Variants in NOL9 observed in about 807,000 individuals in gnomAD.
The protein encoded by NOL9 is nucleolar protein 9.
A neutral mutation model predicts 67.9 loss-of-function variants in NOL9; 28 were observed. The observed-to-expected ratio is 0.41, with a 90% CI of 0.31 to 0.57. The LOEUF (loss-of-function observed/expected upper bound fraction) is 0.57. NOL9 is among the 20% of genes least tolerant of loss of function. NOL9 has a pLI of 0.25. For missense variants in NOL9, 777 were observed against 897.0 expected (o/e 0.87, Z 1.71); for synonymous variants, 356 against 352.2 (o/e 1.01, Z -0.12).
rs386366136 is a variant in NOL9 at position 6,522,883 on chromosome 1, CAAAAAAAAAA to C, written c.*2961_*2970del. 5 of 82,570 alleles carry C rather than the reference CAAAAAAAAAA, an allele frequency of 6.1e-5. No individual in the cohort carries two copies. The highest frequency in any genetic ancestry group is 2.3e-4 in the African/African-American group (4 of 17,624). The allele number at this position is 82,570 out of a possible 1,614,324, so 5.1% of individuals were successfully genotyped here. A position where few individuals can be genotyped will look rare whatever the true frequency, so the allele number is the denominator to read the frequency against. ...TGGGCGACAGAGCTAGACTCTGTCTCAAAAAAAAAAAAAAAAAAGAAATTGCTTCAGCACT... is the reference window on the plus strand; with the variant it reads ...TGGGCGACAGAGCTAGACTCTGTCTCAAAAAAAAGAAATTGCTTCAGCACT... On this transcript the variant is annotated 3_prime_UTR_variant, in exon 12 of 12. Transcript: ENST00000377705.
At chr1:6,529,319 A>G in intron 9 of NOL9, 148 bp from the exon 10 acceptor site, 1 of 726,030 alleles carries the variant, frequency 1.4e-6, no homozygotes, top group Non-Finnish European at 2.3e-6. Context: ...AGCCAGGCAC[A>G]GTGGCTCACG....
At chr1:6,531,904 C>G in intron 9 of NOL9, 64 bp downstream of exon 9, 1 of 1,282,476 alleles carries the variant, frequency 7.8e-7, no homozygotes, top group East Asian at 2.3e-5. Context: ...GAGCGCCCAG[C>G]ACACAGAAAA....
At position 6,521,432 on chromosome 1, in the gene NOL9, A is replaced by G. The variant is rs1038993000; in HGVS notation, c.*4422T>C. The G allele has an allele frequency of 2.0e-5, 3 of 152,240 alleles. No homozygotes were observed. The highest frequency in any genetic ancestry group is 2.9e-5 in the Non-Finnish European group (2 of 68,054). The allele number at this position is 152,240 out of a possible 1,614,324, so 9.4% of individuals were successfully genotyped here. On this transcript the variant is annotated 3_prime_UTR_variant, in exon 12 of 12. Transcript: ENST00000377705. ...ACAGAAACCATACATATTTTGTAAA[A>G]TACACACACACACAGCAGAACCCCA...
chr1:6,532,949 C>T (rs771791103), intron 7 of NOL9, among the ~76,000 whole-genome samples, 189 bp from the exon 8 acceptor site: 2 of 152,196 alleles, frequency 1.3e-5, no homozygotes, highest in African/African-American at 2.4e-5. Flanking sequence ...CCAAGGTGGG[C>T]GGATCACTTG....
intron 1 of NOL9, 68 bp from the exon 2 acceptor site, chr1:6,550,683 C>CTCT: frequency 1.7e-6 from 1 of 598,694 alleles, no homozygotes; most frequent in Non-Finnish European, 2.6e-6. Context: ...ATTCTAAAAT[C>CTCT]TTTTTTTTTT....
chr1:6,526,499 TG>T (rs1638887775), intron 11 of NOL9, among the ~76,000 whole-genome samples, 196 bp downstream of exon 11: 1 of 152,162 alleles, frequency 6.6e-6, no homozygotes, highest in Admixed American at 6.5e-5. Flanking sequence ...ATCGCGACAC[TG>T]ACACCACGAG....
chr1:6,532,535 G>A lies in NOL9; in HGVS notation c.1463C>T (p.Pro488Leu), dbSNP rs1382447300. Residue 488 changes from proline to leucine, a missense_variant, in exon 8 of 12, where the codon CCA becomes CTA. Pro to Leu is a moderately conservative substitution (Grantham distance 98). Coordinates refer to ENST00000377705, the MANE Select transcript of NOL9 (RefSeq NM_024654.5). ...LEFADEEKES[P>L]VEFTGHKLIG... ...CAGTTTATGTCCAGTGAACTCAACT[G>A]GACTCTCTTTTTCTTCATCAGCAAA... 2 of 1,614,150 alleles carry A rather than the reference G, an allele frequency of 1.2e-6. No individual in the cohort carries two copies. The highest frequency in any genetic ancestry group is 2.7e-5 in the African/African-American group (2 of 75,048).
chr1:6,554,242 A>C lies in NOL9; in HGVS notation c.261T>G (p.Pro87=). ...RPNTATPSPI[P]SPTPASEPES... The stretch of plus-strand genomic sequence containing the variant: ...CGGGTTCGGAGGCCGGGGTCGGGCT[A>C]GGGATCGGGCTGGGGGTCGCGGTGT... The change falls in exon 1 of 12, where the codon CCT becomes CCG. Residue 87 remains proline, a synonymous_variant. Transcript: ENST00000377705. The C allele has an allele frequency of 6.6e-7, 1 of 1,507,110 alleles. No individual in the cohort carries two copies. Among genetic ancestry groups the C allele is most frequent in the South Asian group, 1.3e-5 (1 of 79,916 alleles). The allele number at this position is 1,507,110 out of a possible 1,614,324, so 93.4% of individuals were successfully genotyped here. A position where few individuals can be genotyped will look rare whatever the true frequency, so the allele number is the denominator to read the frequency against.
chr1:6,542,163 ATTT>A (rs5772238), intron 5 of NOL9, among the ~76,000 whole-genome samples: 9 of 140,252 alleles, frequency 6.4e-5, no homozygotes, highest in Middle Eastern at 3.5e-3. Flanking sequence ...GCTCTTTCAG[ATTT>A]TTTTTTTTTT....
chr1:6,545,710 G>A (rs375735782), intron 3 of NOL9, among the ~76,000 whole-genome samples: 2 of 151,982 alleles, frequency 1.3e-5, no homozygotes, highest in African/African-American at 4.8e-5. Context: ...GAAGGGCCCC[G>A]TCCTCTTGCA....
At chr1:6,549,461 G>C (rs1321964625) in intron 3 of NOL9, 110 bp downstream of exon 3, 9 of 1,207,482 alleles carry the variant, frequency 7.5e-6, no homozygotes, top group African/African-American at 6.1e-5. Context: ...GTAGGACTGA[G>C]AGCACTAGAT....
rs1172850601 is a variant in NOL9 at position 6,521,690 on chromosome 1, T to A, written c.*4164A>T. Reference sequence around the variant, plus strand: ...GTGAACCTGCCAGAGGCAAGATGAGTAAGTAGCTGTGGATTCATTTAGTTT... The same window carrying A: ...GTGAACCTGCCAGAGGCAAGATGAGAAAGTAGCTGTGGATTCATTTAGTTT... On this transcript the variant is annotated 3_prime_UTR_variant, in exon 12 of 12. Transcript: ENST00000377705. 1 of 152,102 alleles carries A rather than the reference T, an allele frequency of 6.6e-6. No homozygotes were observed. Among genetic ancestry groups the A allele is most frequent in the East Asian group, 1.9e-4 (1 of 5,194 alleles). The allele number at this position is 152,102 out of a possible 1,614,324, so 9.4% of individuals were successfully genotyped here.
intron 5 of NOL9, among the ~76,000 whole-genome samples, chr1:6,544,337 C>T (rs555498299): frequency 8.8e-4 from 123 of 140,462 alleles, no homozygotes; most frequent in African/African-American, 3.0e-3. Flanking sequence ...GACTGGGCAA[C>T]ATAGCAAGAC....
intron 6 of NOL9, among the ~76,000 whole-genome samples, chr1:6,535,856 A>C (rs1413530939): frequency 6.6e-6 from 1 of 150,534 alleles, no homozygotes; most frequent in East Asian, 2.0e-4. Flanking sequence ...TGAACCCAGG[A>C]GGCACAGGTT....
At position 6,539,477 on chromosome 1, in the gene NOL9, GAAT is replaced by G. The variant is rs1639227606; in HGVS notation, c.1075+2350_1075+2352del. Among the ~76,000 whole-genome samples, 8 of 59,392 alleles carry G rather than the reference GAAT, an allele frequency of 1.3e-4. No homozygotes were observed. In the South Asian group the frequency reaches 4.9e-3, roughly 37 times the overall value. The allele number at this position is 59,392 out of a possible 152,430, so 39.0% of individuals were successfully genotyped here. A position where few individuals can be genotyped will look rare whatever the true frequency, so the allele number is the denominator to read the frequency against. The stretch of plus-strand genomic sequence containing the variant: ...TTGAATAACATCCAGCCATCAAAAA[GAAT>G]TATTATTATTATTATTTATTGAGGC... On this transcript the variant is annotated intron_variant, in intron 6 of 11. Transcript: ENST00000377705.
Position 6,544,881 on chromosome 1 carries a change from G to A in NOL9, c.922C>T (p.Gln308Ter). The part of the protein sequence containing the change: ...GCPVILVCGS[Q>*]DVGKSTFNRY... ...TTAAATGTTGACTTTCCAACATCCT[G>A]GGATCCACAAACTAGAATGACAGGG... Residue 308 changes from glutamine to a stop codon, truncating the protein, a stop_gained, in exon 5 of 12, where the codon CAG (glutamine) becomes TAG (stop). Transcript: ENST00000377705. LOFTEE classifies it high-confidence loss of function. The A allele has an allele frequency of 1.2e-6, 2 of 1,614,172 alleles. No individual in the cohort carries two copies. Among genetic ancestry groups the A allele is most frequent in the Non-Finnish European group, 1.7e-6 (2 of 1,180,036 alleles).
intron 9 of NOL9, among the ~76,000 whole-genome samples, chr1:6,531,647 C>T (rs373546279): frequency 1.3e-5 from 2 of 152,120 alleles, no homozygotes; most frequent in Non-Finnish European, 2.9e-5. Flanking sequence ...TGGAGCAGCC[C>T]CTGCGACCAG....
At chr1:6,538,241 CAAG>C (rs1248843221) in intron 6 of NOL9, among the ~76,000 whole-genome samples, 2 of 152,026 alleles carry the variant, frequency 1.3e-5, no homozygotes, top group Non-Finnish European at 2.9e-5. Context: ...AGGTTATTGT[CAAG>C]AAAGCAAAAA....
intron 1 of NOL9, among the ~76,000 whole-genome samples, chr1:6,553,604 G>A (rs1639592356): frequency 4.0e-5 from 6 of 151,790 alleles, no homozygotes; most frequent in Admixed American, 3.9e-4. Flanking sequence ...CACTTTGAGA[G>A]GCCGAGGCGG....
Sources: gnomAD v4.1 joint callset for allele counts (sites outside exome capture counted in the v4.1 genomes callset) on GRCh38, gnomAD v4.1.1 for gene constraint, MANE v1.5 for transcripts, NCBI Gene and HGNC (gene_info 2026-07-23, HGNC 2026-07-21) for gene names.